Variants in MCAT observed in about 807,000 individuals in gnomAD.
MCAT encodes malonyl-CoA-acyl carrier protein transacylase, mitochondrial.
MCAT carries 22 observed loss-of-function variants against 22.9 expected under a neutral mutation model. That is an observed-to-expected ratio of 0.96 (90% confidence interval 0.69 to 1.37). MCAT has a LOEUF of 1.37. MCAT is among the 40% of genes most tolerant of loss of function. The pLI is 0.00. For synonymous variants in MCAT, 240 were observed against 233.9 expected (o/e 1.03, Z -0.24); for missense variants, 534 against 533.6 (o/e 1.00, Z -0.01).
chr22:43,134,242 T>C (rs1930541082), intron 3 of MCAT, among the ~76,000 whole-genome samples: 1 of 152,188 alleles, frequency 6.6e-6, no homozygotes, highest in Non-Finnish European at 1.5e-5. Context: ...AGCTCTCCTC[T>C]TGATGCCAAA....
intron 1 of MCAT, among the ~76,000 whole-genome samples, chr22:43,141,594 G>A (rs1009307588): frequency 2.0e-5 from 3 of 151,448 alleles, no homozygotes; most frequent in Non-Finnish European, 2.9e-5. Context: ...TTTTTGAGGC[G>A]GAGTTTTGCT....
chr22:43,140,187 T>C (rs8136233), intron 2 of MCAT, among the ~76,000 whole-genome samples: 17,203 of 152,160 alleles, frequency 0.11, 1,326 homozygotes, highest in Non-Finnish European at 0.17. Flanking sequence ...GATTCTTTTT[T>C]GTTTGTTTTG....
intron 2 of MCAT, chr22:43,140,866 T>C: frequency 2.9e-6 from 1 of 346,554 alleles, no homozygotes; most frequent in Non-Finnish European, 5.4e-6. Context: ...AACGAATATC[T>C]ACTGAACACA....
chr22:43,142,792 CA>C lies in MCAT; in HGVS notation c.423+133del, dbSNP rs1193087773. 5.9e-3 allele frequency: 5,841 copies of C among 990,044 alleles called. 263 individuals carry two copies. The African/African-American group carries it at 0.092, about 16-fold the overall frequency. 61.3% of individuals were successfully genotyped at this position (990,044 alleles called of 1,614,324 possible). On this transcript the variant is annotated intron_variant, in intron 1 of 3. Coordinates refer to ENST00000290429, the MANE Select transcript of MCAT (RefSeq NM_173467.5). ...TCCGTCTCAAAAAAAAAAACAAAAA[CA>C]AACAAAAAAAAAAACTCGATCGAAT...
rs1930830252 is a variant in MCAT, at chr22:43,143,144, C to T, written c.205G>A (p.Gly69Ser). The change falls in exon 1 of 4, where the codon GGC (glycine) becomes AGC (serine). Residue 69 changes from glycine (G) to serine (S), a missense_variant. Physicochemically the swap from Gly to Ser is moderately conservative, Grantham distance 56. Transcript: ENST00000290429. Reference protein sequence around the residue: ...PGQCSVLLFPGQGSQVVGMGR... With the variant: ...PGQCSVLLFPSQGSQVVGMGR... ...ATGCCCACCACCTGGCTGCCCTGGC[C>T]CGGGAAGAGCAGCACGGAGCACTGG... is the stretch of plus-strand genomic sequence containing the variant. 6 of 1,591,910 alleles carry T rather than the reference C, an allele frequency of 3.8e-6. No homozygotes were observed. The highest frequency in any genetic ancestry group is 5.1e-6 in the Non-Finnish European group (6 of 1,174,608).
At position 43,137,272 on chromosome 22, in the gene MCAT, C is replaced by T; in HGVS notation, c.538G>A (p.Glu180Lys). 1.2e-6 allele frequency: 2 copies of T among 1,614,090 alleles called. No homozygotes were observed. The highest frequency in any genetic ancestry group is 2.2e-5 in the East Asian group (1 of 44,890). Residue 180 changes from glutamate to lysine, a missense_variant, in exon 3 of 4, where the codon GAG becomes AAG. Glu to Lys is a moderately conservative substitution (Grantham distance 56, BLOSUM62 1). Coordinates refer to ENST00000290429, the MANE Select transcript of MCAT (RefSeq NM_173467.5). The stretch of plus-strand genomic sequence containing the variant: ...GCTTCTGAAGCTTCCTGCATGGCCT[C>T]AGCTCGGATTTTCACTGCATACAAA... ...EGLYAVKIRA[E>K]AMQEASEAVP...
At position 43,141,215 on chromosome 22, in the gene MCAT, C is replaced by G. The variant is rs138625263; in HGVS notation, c.458G>C (p.Ser153Thr). Residue 153 changes from serine (S) to threonine (T), a missense_variant, in exon 2 of 4, where the codon AGT becomes ACT. Ser to Thr is a moderately conservative substitution (Grantham distance 58, BLOSUM62 1). Transcript: ENST00000290429. ...IENCVAAAGF[S>T]VGEFAALVFA... ...CACTAGGGCTGCAAACTCTCCCACA[C>G]TGAATCCAGCAGCAGCAACACAGTT... 1.2e-4 allele frequency: 187 copies of G among 1,614,040 alleles called. No homozygotes were observed. Among genetic ancestry groups the G allele is most frequent in the Non-Finnish European group, 1.5e-4 (173 of 1,180,036 alleles).
At chr22:43,140,355 T>C (rs1930734429) in intron 2 of MCAT, among the ~76,000 whole-genome samples, 1 of 152,096 alleles carries the variant, frequency 6.6e-6, no homozygotes, top group Non-Finnish European at 1.5e-5. Flanking sequence ...TGTGTATGTG[T>C]GTGTGTGTGA....
In MCAT at chr22:43,143,009, G is replaced by C; in HGVS notation, c.340C>G (p.Leu114Val). 6.2e-7 allele frequency: 1 copy of C among 1,609,032 alleles called. No homozygotes were observed. Residue 114 changes from leucine (L) to valine (V), a missense_variant, in exon 1 of 4, where the codon CTG becomes GTG. Transcript: ENST00000290429. Reference protein sequence around the residue: ...ELSLHGPQETLDRTVHCQPAI... With the variant: ...ELSLHGPQETVDRTVHCQPAI... ...GGCTGACAGTGCACGGTGCGGTCCA[G>C]GGTCTCCTGCGGCCCGTGCAGGCTC...
At chr22:43,135,152 C>T (rs1037750817) in intron 3 of MCAT, among the ~76,000 whole-genome samples, 9 of 152,228 alleles carry the variant, frequency 5.9e-5, no homozygotes, top group African/African-American at 1.9e-4. Context: ...AAGGGGCTTC[C>T]CCCCTGAGGG....
At position 43,133,424 on chromosome 22, in the gene MCAT, C is replaced by G; in HGVS notation, c.792G>C (p.Pro264=). Reference sequence around the variant, plus strand: ...GGCGGGTGTGGAATGCGCCACTAACCGGCAACATCCTGGTGCGTCTGAAAT... The same window carrying G: ...GGCGGGTGTGGAATGCGCCACTAACGGGCAACATCCTGGTGCGTCTGAAAT... ...KFHFRRTRML[P]VSGAFHTRLM... The change falls in exon 4 of 4, where the codon CCG becomes CCC. Residue 264 remains proline (P), a synonymous_variant. Coordinates refer to ENST00000290429, the MANE Select transcript of MCAT (RefSeq NM_173467.5). 3 of 1,614,074 alleles carry G rather than the reference C, an allele frequency of 1.9e-6. No individual in the cohort carries two copies. The highest frequency in any genetic ancestry group is 1.6e-4 in the Middle Eastern group (1 of 6,062).
intron 3 of MCAT, among the ~76,000 whole-genome samples, chr22:43,133,807 C>CTT (rs59733103): frequency 9.2e-5 from 13 of 141,312 alleles, no homozygotes; most frequent in South Asian, 2.3e-4. Context: ...AATGAGAATT[C>CTT]TTTTTTTTTT....
intron 3 of MCAT, among the ~76,000 whole-genome samples, chr22:43,136,703 A>T (rs1032166042): frequency 6.6e-6 from 1 of 152,216 alleles, no homozygotes; most frequent in African/African-American, 2.4e-5. Context: ...AGACACCTAA[A>T]AAAAGCAGGG....
intron 2 of MCAT, among the ~76,000 whole-genome samples, chr22:43,139,963 A>G (rs1447083865): frequency 6.6e-6 from 1 of 152,148 alleles, no homozygotes; most frequent in Non-Finnish European, 1.5e-5. Flanking sequence ...AACTTTCCTT[A>G]ATAATGTTAT....
intron 3 of MCAT, among the ~76,000 whole-genome samples, chr22:43,134,314 C>G (rs1344436401): frequency 6.6e-6 from 1 of 152,100 alleles, no homozygotes; most frequent in African/African-American, 2.4e-5. Flanking sequence ...GCTCCAAAAC[C>G]CTTGCAACAG....
chr22:43,142,713 G>A (rs890009002), intron 1 of MCAT, among the ~76,000 whole-genome samples: 2 of 151,528 alleles, frequency 1.3e-5, no homozygotes, highest in Non-Finnish European at 2.9e-5. Flanking sequence ...GTGAACTCGG[G>A]AGGCGGAGCC....
rs1441190304 is a variant in MCAT, at chr22:43,133,438, T to G, written c.778A>C (p.Thr260Pro). ...KNSSKFHFRR[T>P]RMLPVSGAFH... Reference sequence around the variant, plus strand: ...GCGCCACTAACCGGCAACATCCTGGTGCGTCTGAAATGAAACTTAGAGGAA... The same window carrying G: ...GCGCCACTAACCGGCAACATCCTGGGGCGTCTGAAATGAAACTTAGAGGAA... Residue 260 changes from threonine to proline, a missense_variant, in exon 4 of 4, where the codon ACC becomes CCC. Physicochemically the swap from Thr to Pro is conservative, Grantham distance 38. Transcript: ENST00000290429. The G allele has an allele frequency of 6.2e-7, 1 of 1,613,850 alleles. No individual in the cohort carries two copies. The highest frequency in any genetic ancestry group is 1.6e-4 in the Middle Eastern group (1 of 6,062).
In MCAT at chr22:43,133,320, G is replaced by A. The variant is rs1287902529; in HGVS notation, c.896C>T (p.Ser299Phe). The A allele has an allele frequency of 6.2e-7, 1 of 1,614,198 alleles. No individual in the cohort carries two copies. Among genetic ancestry groups the A allele is most frequent in the Admixed American group, 1.7e-5 (1 of 60,022 alleles). Reference protein sequence around the residue: ...DIKKPLVSVYSNVHAHRYRHP... With the variant: ...DIKKPLVSVYFNVHAHRYRHP... ...CCTGTATCTATGCGCGTGGACGTTGGAGTAGACAGAAACCAGAGGCTTCTT... is the reference window on the plus strand; with the variant it reads ...CCTGTATCTATGCGCGTGGACGTTGAAGTAGACAGAAACCAGAGGCTTCTT... Residue 299 changes from serine to phenylalanine, a missense_variant, in exon 4 of 4, where the codon TCC becomes TTC. Ser to Phe is a radical substitution (Grantham distance 155). Transcript: ENST00000290429.
At chr22:43,136,967 C>T (rs368369721) in intron 3 of MCAT, 114 bp downstream of exon 3, 4 of 892,110 alleles carry the variant, frequency 4.5e-6, no homozygotes, top group Non-Finnish European at 7.3e-6. Flanking sequence ...AAAATACTTC[C>T]TAAAGACCGG....
Sources: allele counts gnomAD v4.1 joint callset (sites outside exome capture counted in the v4.1 genomes callset), GRCh38; gene constraint gnomAD v4.1.1; transcripts MANE v1.5; gene names NCBI Gene and HGNC (gene_info 2026-07-23, HGNC 2026-07-21).